GET4: variants seen among roughly 807,000 people sequenced by gnomAD.
The protein encoded by GET4 is guided entry of tail-anchored proteins factor 4.
GET4 carries 20 observed loss-of-function variants against 40.0 expected under a neutral mutation model. The ratio of observed to expected loss-of-function variants is 0.50; its 90% CI spans 0.35 to 0.73. The LOEUF (loss-of-function observed/expected upper bound fraction) is 0.73, where lower values mean the gene tolerates loss of function less well. GET4 is among the 30% of genes least tolerant of loss of function. GET4 has a pLI of 0.01. For synonymous variants in GET4, 280 were observed against 194.6 expected, an observed-to-expected ratio of 1.44 and a Z score of -3.65; for missense variants, 557 against 454.0, an observed-to-expected ratio of 1.23 and a Z score of -2.06.
chr7:883,516 C>G (rs1844127002), intron 1 of GET4: 3 of 985,318 alleles, frequency 3.0e-6, no homozygotes, highest in Non-Finnish European at 3.6e-6. Flanking sequence ...GATTGTTTGC[C>G]CAGACACTTT....
chr7:878,382 A>G (rs1844012443), intron 1 of GET4: 2 of 471,052 alleles, frequency 4.2e-6, no homozygotes, highest in Non-Finnish European at 8.8e-6. Flanking sequence ...GGTTCAGGTC[A>G]GGGAACAGTC....
chr7:876,673 C>G lies in GET4; in HGVS notation c.28C>G (p.Gln10Glu), dbSNP rs1385775394. ...GGCGGCGGCGGCGGCGATGGCCGAG[C>G]AGGAGAGCGCCCGGAACGGCGGCCG... MAAAAAMAEQESARNGGRNR... is the reference protein window; with the variant it reads MAAAAAMAEEESARNGGRNR... Residue 10 changes from glutamine (Q) to glutamate (E), a missense_variant, in exon 1 of 9, where the codon CAG becomes GAG. By Grantham distance (29) the Gln-to-Glu change is conservative. Coordinates refer to ENST00000265857, the MANE Select transcript of GET4 (RefSeq NM_015949.3). 1.4e-5 allele frequency: 19 copies of G among 1,323,736 alleles called. No individual in the cohort carries two copies. Among genetic ancestry groups the G allele is most frequent in the Non-Finnish European group, 1.9e-5 (19 of 1,025,848 alleles). The allele number at this position is 1,323,736 out of a possible 1,614,324, so 82.0% of individuals were successfully genotyped here.
At position 884,443 on chromosome 7, in the gene GET4, G is replaced by A. The variant is rs182468743; in HGVS notation, c.156-1613G>A. The A allele has an allele frequency of 2.1e-4, 233 of 1,089,906 alleles. 1 individual carries two copies. The highest frequency in any genetic ancestry group is 1.6e-3 in the African/African-American group (99 of 60,844). 67.5% of individuals were successfully genotyped at this position (1,089,906 alleles called of 1,614,324 possible). ...ACTGTGCGGGGAGCACAGCAAAACC[G>A]GAGGCCTGCCAACGGCCTGCAGGCT... On this transcript the variant is annotated intron_variant, in intron 1 of 8. Coordinates refer to ENST00000265857, the MANE Select transcript of GET4 (RefSeq NM_015949.3).
intron 1 of GET4, chr7:885,799 G>T (rs1844175765): frequency 4.0e-6 from 2 of 499,128 alleles, no homozygotes; most frequent in Non-Finnish European, 7.2e-6. Context: ...GCTCCAGGGT[G>T]AGGCTGCTTT....
At position 876,816 on chromosome 7, in the gene GET4, C is replaced by T. The variant is rs1444054767; in HGVS notation, c.155+16C>T. 4 of 1,168,654 alleles carry T rather than the reference C, an allele frequency of 3.4e-6. No homozygotes were observed. The highest frequency in any genetic ancestry group is 3.2e-6 in the Non-Finnish European group (3 of 934,286). 72.4% of individuals were successfully genotyped at this position (1,168,654 alleles called of 1,614,324 possible). On this transcript the variant is annotated intron_variant, in intron 1 of 8. Coordinates refer to ENST00000265857, the MANE Select transcript of GET4 (RefSeq NM_015949.3). The stretch of plus-strand genomic sequence containing the variant: ...TGTTCTTCAGGTACCCGCGCCCGGC[C>T]CTCGCCGCAGCCCAGCGCCCGCCCC...
chr7:884,536 C>T (rs1226784839), intron 1 of GET4: 5 of 366,672 alleles, frequency 1.4e-5, no homozygotes, highest in African/African-American at 2.1e-5. Context: ...TGCCTCTGTG[C>T]AGCACGAAGC....
At position 887,410 on chromosome 7, in the gene GET4, T is replaced by A. The variant is rs1844213543; in HGVS notation, c.357T>A (p.Ser119=). The change falls in exon 4 of 9, where the codon TCT becomes TCA. Residue 119 remains serine (S), a synonymous_variant. Transcript: ENST00000265857. ...AKVFSLMDPN[S]PERVTFVSRA... is the part of the protein sequence containing the mutation. Reference sequence around the variant, plus strand: ...TGTTCAGCCTGATGGACCCCAACTCTCCTGAGCGCGTGACCTTTGTGTCCA... The same window carrying A: ...TGTTCAGCCTGATGGACCCCAACTCACCTGAGCGCGTGACCTTTGTGTCCA... 1.9e-6 allele frequency: 3 copies of A among 1,602,850 alleles called. No individual in the cohort carries two copies. Among genetic ancestry groups the A allele is most frequent in the Non-Finnish European group, 2.6e-6 (3 of 1,173,440 alleles).
At chr7:878,523 G>A (rs1344583687) in intron 1 of GET4, among the ~76,000 whole-genome samples, 1 of 151,492 alleles carries the variant, frequency 6.6e-6, no homozygotes, top group Non-Finnish European at 1.5e-5. Context: ...AGTTGGTCTG[G>A]CCTTTATACA....
At chr7:879,673 A>C (rs898822098) in intron 1 of GET4, 3 of 152,262 alleles carry the variant, frequency 2.0e-5, no homozygotes, top group Admixed American at 1.3e-4. Context: ...TGTGTTGTAG[A>C]TGCTTTTCTT....
chr7:877,054 C>T (rs116070999), intron 1 of GET4, among the ~76,000 whole-genome samples: 5,724 of 151,430 alleles, frequency 0.038, 173 homozygotes, highest in Non-Finnish European at 0.061. Flanking sequence ...TGCGTTCCTC[C>T]TCGGCCTTCC....
intron 6 of GET4, among the ~76,000 whole-genome samples, 157 bp from the exon 7 acceptor site, chr7:893,583 G>A (rs1844391946): frequency 1.0e-5 from 1 of 98,236 alleles, no homozygotes; most frequent in South Asian, 4.2e-4. Context: ...GTGGTTGCAG[G>A]TGAGTGTTGG....
Position 896,233 on chromosome 7 carries a change from C to G in GET4, c.*811C>G, listed in dbSNP as rs1010779692. 1 of 152,212 alleles carries G rather than the reference C, an allele frequency of 6.6e-6. No homozygotes were observed. Among genetic ancestry groups the G allele is most frequent in the Non-Finnish European group, 1.5e-5 (1 of 68,040 alleles). The allele number at this position is 152,212 out of a possible 1,614,324, so 9.4% of individuals were successfully genotyped here. On this transcript the variant is annotated 3_prime_UTR_variant, in exon 9 of 9. Transcript: ENST00000265857. ...ATAACCGGTCCAGGAGTGAGCAGCT[C>G]CGTTCTGTCAGATGCTACTCCAAAT...
chr7:883,453 GT>G (rs1201682254), intron 1 of GET4: 1 of 956,138 alleles, frequency 1.0e-6, no homozygotes, highest in African/African-American at 1.8e-5. Flanking sequence ...TAATGCTTGC[GT>G]TTCTGTGTTC....
At chr7:888,349 C>T (rs1055231437) in intron 4 of GET4, among the ~76,000 whole-genome samples, 3 of 152,186 alleles carry the variant, frequency 2.0e-5, no homozygotes, top group Non-Finnish European at 2.9e-5. Flanking sequence ...GCAGCCCATC[C>T]GACCTTGTCC....
rs751051661 is a variant in GET4, at chr7:886,636, C to T, written c.302C>T (p.Ala101Val). ...CTGGAGAAGGCGGAAGTGGAGGTGG[C>T]TGACGAGCTGCTGGGTGAGCATCCG... ...ESLEKAEVEV[A>V]DELLENLAKV... The change falls in exon 3 of 9, where the codon GCT becomes GTT. Residue 101 changes from alanine to valine, a missense_variant. Transcript: ENST00000265857. 16 of 1,610,672 alleles carry T rather than the reference C, an allele frequency of 9.9e-6. No homozygotes were observed. Among genetic ancestry groups the T allele is most frequent in the Non-Finnish European group, 1.3e-5 (15 of 1,178,078 alleles).
chr7:892,189 C>G (rs1466112308), intron 5 of GET4, 89 bp from the exon 6 acceptor site: 13 of 1,396,208 alleles, frequency 9.3e-6, no homozygotes, highest in Non-Finnish European at 1.3e-5. Flanking sequence ...GGCGCACGAG[C>G]TTGGGAAGGA....
rs1373550951 is a variant in GET4, at chr7:892,391, T to G, written c.719T>G (p.Ile240Ser). 1 of 1,591,992 alleles carries G rather than the reference T, an allele frequency of 6.3e-7. No individual in the cohort carries two copies. Among genetic ancestry groups the G allele is most frequent in the African/African-American group, 1.3e-5 (1 of 74,606 alleles). Residue 240 changes from isoleucine to serine, a missense_variant, in exon 6 of 9, where the codon ATC becomes AGC. By Grantham distance (142) the Ile-to-Ser change is moderately radical (BLOSUM62 -2). Coordinates refer to ENST00000265857, the MANE Select transcript of GET4 (RefSeq NM_015949.3). ...PPFVEPLLNFIWFLLLAVDGG... is the reference protein window; with the variant it reads ...PPFVEPLLNFSWFLLLAVDGG... ...TTTGTGGAGCCGCTGCTTAACTTCA[T>G]CTGGTTCCTGCTGCTGGCTGTGGAC...
chr7:894,567 T>C (rs896300629), intron 8 of GET4, among the ~76,000 whole-genome samples: 1 of 152,050 alleles, frequency 6.6e-6, no homozygotes, highest in African/African-American at 2.4e-5. Flanking sequence ...CCAGACACCC[T>C]GGCCCTCACC....
At position 876,606 on chromosome 7, in the gene GET4, C is replaced by T. The variant is rs1435749087; in HGVS notation, c.-40C>T. On this transcript the variant is annotated 5_prime_UTR_variant, in exon 1 of 9. Transcript: ENST00000265857. Reference sequence around the variant, plus strand: ...GGAAGCCGGGAGGCGCTGCCGACCGCGCCTGCGACAGCGTCAGCCCTGCGC... The same window carrying T: ...GGAAGCCGGGAGGCGCTGCCGACCGTGCCTGCGACAGCGTCAGCCCTGCGC... 2.6e-6 allele frequency: 3 copies of T among 1,165,684 alleles called. No homozygotes were observed. Among genetic ancestry groups the T allele is most frequent in the East Asian group, 8.1e-5 (2 of 24,552 alleles). The allele number at this position is 1,165,684 out of a possible 1,614,324, so 72.2% of individuals were successfully genotyped here.
Sources: allele counts gnomAD v4.1 joint callset (sites outside exome capture counted in the v4.1 genomes callset), GRCh38; gene constraint gnomAD v4.1.1; transcripts MANE v1.5; gene names NCBI Gene and HGNC (gene_info 2026-07-23, HGNC 2026-07-21).